Variants in USP13 observed in about 807,000 individuals in gnomAD.
The protein encoded by USP13 is ubiquitin carboxyl-terminal hydrolase 13.
A neutral mutation model predicts 107.8 loss-of-function variants in USP13; 68 were observed. The ratio of observed to expected loss-of-function variants is 0.63; its 90% CI spans 0.52 to 0.77. USP13 has a LOEUF of 0.77. Among genes scored for constraint, USP13 ranks in the 30% least tolerant of loss-of-function variants. The pLI is 0.00. For missense variants in USP13, 945 were observed against 1,093.3 expected (o/e 0.86, Z 1.91); for synonymous variants, 377 against 389.5 (o/e 0.97, Z 0.38).
chr3:179,664,172 G>A (rs1720524729), intron 1 of USP13, among the ~76,000 whole-genome samples: 1 of 151,688 alleles, frequency 6.6e-6, no homozygotes. Context: ...TCAGGCTGGA[G>A]TGCAGTGGCA....
Position 179,788,416 on chromosome 3 carries a change from TC to T in USP13, c.*4276del, listed in dbSNP as rs1311342457. ...ATAAGACTCGGTAGACCTGTGCTAT[TC>T]AATGTGGCAGTCAACAGCCATATGT... On this transcript the variant is annotated 3_prime_UTR_variant, in exon 21 of 21. Coordinates refer to ENST00000263966, the MANE Select transcript of USP13 (RefSeq NM_003940.3). 6.6e-6 allele frequency: 1 copy of T among 152,226 alleles called. No individual in the cohort carries two copies. Among genetic ancestry groups the T allele is most frequent in the Admixed American group, 6.5e-5 (1 of 15,282 alleles). The allele number at this position is 152,226 out of a possible 1,614,324, so 9.4% of individuals were successfully genotyped here. A position where few individuals can be genotyped will look rare whatever the true frequency, so the allele number is the denominator to read the frequency against.
chr3:179,776,687 A>G (rs528748347), intron 19 of USP13, among the ~76,000 whole-genome samples: 4 of 152,254 alleles, frequency 2.6e-5, no homozygotes, highest in African/African-American at 9.6e-5. Context: ...GGTACTTTGA[A>G]GGTTTTTCTG....
At position 179,761,177 on chromosome 3, in the gene USP13, C is replaced by T. The variant is rs1472599132; in HGVS notation, c.2014C>T (p.Arg672Cys). The stretch of plus-strand genomic sequence containing the variant: ...GATGGGTTTCCCGCTGGAAGCATGT[C>T]GCAAGGCTGTGTACTTCACTGGAAA... The part of the protein sequence containing the change: ...AEMGFPLEAC[R>C]KAVYFTGNMG... The change falls in exon 17 of 21, where the codon CGC becomes TGC. Residue 672 changes from arginine (R) to cysteine (C), a missense_variant. Arg to Cys is a radical substitution (Grantham distance 180). Transcript: ENST00000263966. 5.6e-6 allele frequency: 9 copies of T among 1,614,022 alleles called. No individual in the cohort carries two copies. Among genetic ancestry groups the T allele is most frequent in the Middle Eastern group, 1.6e-4 (1 of 6,084 alleles).
chr3:179,695,220 CCTT>C (rs1712250733), intron 3 of USP13, among the ~76,000 whole-genome samples: 1 of 152,240 alleles, frequency 6.6e-6, no homozygotes, highest in Non-Finnish European at 1.5e-5. Context: ...TTATGATGCT[CCTT>C]CTTCGGCTTC....
At chr3:179,683,667 C>T (rs1711756534) in intron 2 of USP13, among the ~76,000 whole-genome samples, 1 of 152,186 alleles carries the variant, frequency 6.6e-6, no homozygotes, top group Admixed American at 6.5e-5. Flanking sequence ...ATTCAATCAC[C>T]TCCCACCGGA....
intron 12 of USP13, among the ~76,000 whole-genome samples, chr3:179,744,364 TG>T (rs1384193935): frequency 8.6e-5 from 13 of 150,496 alleles, no homozygotes; most frequent in African/African-American, 2.0e-4. Flanking sequence ...TGTTTTGTTT[TG>T]TTTTTTTCTG....
chr3:179,744,734 G>A (rs1714335368), intron 12 of USP13, among the ~76,000 whole-genome samples: 1 of 152,150 alleles, frequency 6.6e-6, no homozygotes, highest in South Asian at 2.1e-4. Context: ...AGGTTCATGG[G>A]CATTTATATC....
At chr3:179,739,369 T>C (rs1367049148) in intron 10 of USP13, among the ~76,000 whole-genome samples, 1 of 152,210 alleles carries the variant, frequency 6.6e-6, no homozygotes, top group Middle Eastern at 3.2e-3. Context: ...TGGAACTCCC[T>C]GTGCTCTGGT....
chr3:179,779,763 A>G (rs1165251405), intron 19 of USP13, among the ~76,000 whole-genome samples: 3 of 151,908 alleles, frequency 2.0e-5, no homozygotes, highest in South Asian at 2.1e-4. Context: ...AAGAAAAAAA[A>G]CCACTCTGGC....
At chr3:179,729,632 T>C (rs12152263) in intron 8 of USP13, among the ~76,000 whole-genome samples, 53,661 of 151,964 alleles carry the variant, frequency 0.35, 11,503 homozygotes, top group Non-Finnish European at 0.46. Flanking sequence ...CCACTGCACC[T>C]GGCTATTTTT....
chr3:179,721,349 C>G lies in USP13; in HGVS notation c.901-53C>G. On this transcript the variant is annotated intron_variant, in intron 7 of 20. Transcript: ENST00000263966. The surrounding 1 kb of genome is among the most constrained non-coding windows in gnomAD (Gnocchi z 4.3). ...TTAGAAATAATTAACGGGACATGAC[C>G]TTTGAATGGGAATCACATTTAAAGT... 6.3e-7 allele frequency: 1 copy of G among 1,575,534 alleles called. No homozygotes were observed.
At chr3:179,783,116 G>A in intron 20 of USP13, among the ~76,000 whole-genome samples, 1 of 151,810 alleles carries the variant, frequency 6.6e-6, no homozygotes, top group African/African-American at 2.4e-5. Context: ...TTTATGGAAT[G>A]AAGTCAAAGA....
chr3:179,670,006 C>A (rs189917489), intron 1 of USP13, among the ~76,000 whole-genome samples: 2,076 of 152,258 alleles, frequency 0.014, 32 homozygotes, highest in Non-Finnish European at 0.018. Context: ...GCCCTCTCCT[C>A]CTGTACTGTC....
chr3:179,690,092 G>A (rs992554969), intron 2 of USP13, 149 bp from the exon 3 acceptor site: 1 of 668,654 alleles, frequency 1.5e-6, no homozygotes. Context: ...ACCTGGGTCA[G>A]TTCCCTGTTT....
Position 179,678,463 on chromosome 3 carries a change from G to A in USP13, c.169-3415G>A, listed in dbSNP as rs1711542295. ...AGCACAAGCTATATTATAATTATAAGCTTTTTTGGATGCTATTTTTTTTTT... is the reference window on the plus strand; with the variant it reads ...AGCACAAGCTATATTATAATTATAAACTTTTTTGGATGCTATTTTTTTTTT... On this transcript the variant is annotated intron_variant, in intron 1 of 20. Coordinates refer to ENST00000263966, the MANE Select transcript of USP13 (RefSeq NM_003940.3). This position sits in a 1 kb window ranked among gnomAD's most constrained non-coding sequence, Gnocchi z 4.2. Among the ~76,000 whole-genome samples, 2 of 147,350 alleles carry A rather than the reference G, an allele frequency of 1.4e-5. No homozygotes were observed. Among genetic ancestry groups the A allele is most frequent in the African/African-American group, 5.1e-5 (2 of 39,360 alleles).
At chr3:179,730,159 A>G in intron 8 of USP13, 30 bp from the exon 9 acceptor site, 1 of 1,591,600 alleles carries the variant, frequency 6.3e-7, no homozygotes, top group East Asian at 2.2e-5. Context: ...TGCAGTTGCT[A>G]TGTTTTAACT....
chr3:179,747,599 C>A (rs1006703583), intron 13 of USP13, among the ~76,000 whole-genome samples: 2 of 152,176 alleles, frequency 1.3e-5, no homozygotes, highest in African/African-American at 4.8e-5. Context: ...CTGGAAATGG[C>A]CCATCTTTAA....
At chr3:179,718,126 A>T (rs1228949180) in intron 6 of USP13, among the ~76,000 whole-genome samples, 2 of 151,762 alleles carry the variant, frequency 1.3e-5, no homozygotes, top group Non-Finnish European at 2.9e-5. Context: ...CTTCATATTC[A>T]TTTTCCTTGT....
intron 3 of USP13, among the ~76,000 whole-genome samples, chr3:179,698,871 A>T (rs914350402): frequency 4.8e-5 from 7 of 144,518 alleles, no homozygotes; most frequent in African/African-American, 1.0e-4. Flanking sequence ...GTTGAATACT[A>T]TTTTTTTTTT....
Sources: gnomAD v4.1 joint callset for allele counts (sites outside exome capture counted in the v4.1 genomes callset) on GRCh38, gnomAD v4.1.1 for gene constraint, Gnocchi (gnomAD v3.1) non-coding constraint, MANE v1.5 for transcripts, NCBI Gene and HGNC (gene_info 2026-07-23, HGNC 2026-07-21) for gene names.